USP32: variants seen among roughly 807,000 people sequenced by gnomAD.
The protein encoded by USP32 is ubiquitin specific peptidase 32, also known as ubiquitin carboxyl-terminal hydrolase 32.
A neutral mutation model predicts 204.8 loss-of-function variants in USP32; 59 were observed. That is an observed-to-expected ratio of 0.29 (90% CI 0.23 to 0.36). The LOEUF is 0.36. Among genes scored for constraint, USP32 ranks in the 10% least tolerant of loss-of-function variants. The pLI is 1.00. For missense variants in USP32, 1,160 were observed against 1,946.4 expected (o/e 0.60, Z 7.60); for synonymous variants, 517 against 678.4 (o/e 0.76, Z 3.70).
intron 18 of USP32, among the ~76,000 whole-genome samples, chr17:60,212,848 G>T (rs2085006762): frequency 6.6e-6 from 1 of 151,868 alleles, no homozygotes; most frequent in Non-Finnish European, 1.5e-5. Flanking sequence ...CCGCCTCCTG[G>T]GCTTGACTGA....
intron 5 of USP32, among the ~76,000 whole-genome samples, chr17:60,287,684 T>C (rs1339621967): frequency 1.3e-5 from 2 of 152,224 alleles, no homozygotes; most frequent in Non-Finnish European, 2.9e-5. Context: ...TTTCAGTTTA[T>C]GAATTGTGGT....
intron 1 of USP32, among the ~76,000 whole-genome samples, chr17:60,384,878 C>T (rs183747116): frequency 5.9e-5 from 9 of 151,986 alleles, no homozygotes; most frequent in East Asian, 3.9e-4. Context: ...GAGGTGGAGG[C>T]GGGTGGATCA....
chr17:60,276,933 T>TA (rs1422115825), intron 5 of USP32, among the ~76,000 whole-genome samples: 1 of 137,956 alleles, frequency 7.2e-6, no homozygotes, highest in Non-Finnish European at 1.5e-5. Context: ...CAAGCTAAAG[T>TA]AGATTACATA....
At chr17:60,332,580 G>A (rs1178202692) in intron 2 of USP32, among the ~76,000 whole-genome samples, 11 of 151,912 alleles carry the variant, frequency 7.2e-5, no homozygotes, top group Admixed American at 6.6e-5. Flanking sequence ...CCCAGGAGGC[G>A]GAGACTGCAG....
chr17:60,209,723 A>ACC lies in USP32; in HGVS notation c.2425-182_2425-181dup, dbSNP rs144710628. On this transcript the variant is annotated intron_variant, in intron 21 of 33. Coordinates refer to ENST00000300896, the MANE Select transcript of USP32 (RefSeq NM_032582.4). ...ATCTTTTGAATCTTAATGTCAAATGACCCCCCCCAAAAAAAGAGAAGTATT... is the reference window on the plus strand; with the variant it reads ...ATCTTTTGAATCTTAATGTCAAATGACCCCCCCCCCAAAAAAAGAGAAGTATT... 4.7e-5 allele frequency among the ~76,000 whole-genome samples: 7 copies of ACC among 150,464 alleles called. No individual in the cohort carries two copies. The South Asian group carries it at 8.4e-4, about 18-fold the overall frequency.
intron 7 of USP32, among the ~76,000 whole-genome samples, 196 bp downstream of exon 7, chr17:60,269,254 C>G (rs529049946): frequency 1.3e-5 from 2 of 152,278 alleles, no homozygotes; most frequent in Admixed American, 1.3e-4. Context: ...ATATCCCAAA[C>G]TATTCCATAG....
rs1212479574 is a variant in USP32, at chr17:60,211,044, G to A, written c.2393C>T (p.Thr798Ile). ...GDLVQELWSG[T>I]QKNVAPLKLR... ...CTTTAATGGGGCAACATTCTTCTGA[G>A]TTCCACTCCAAAGTTCCTGCACTAA... Residue 798 changes from threonine to isoleucine, a missense_variant, in exon 21 of 34, where the codon ACT becomes ATT. Physicochemically the swap from Thr to Ile is moderately conservative, Grantham distance 89 (BLOSUM62 -1). Coordinates refer to ENST00000300896, the MANE Select transcript of USP32 (RefSeq NM_032582.4). 6.2e-7 allele frequency: 1 copy of A among 1,612,168 alleles called. No homozygotes were observed. Among genetic ancestry groups the A allele is most frequent in the East Asian group, 2.2e-5 (1 of 44,862 alleles).
Position 60,271,392 on chromosome 17 carries a change from C to T in USP32, c.661G>A (p.Gly221Ser). The T allele has an allele frequency of 6.2e-7, 1 of 1,614,054 alleles. No individual in the cohort carries two copies. The highest frequency in any genetic ancestry group is 8.5e-7 in the Non-Finnish European group (1 of 1,179,994). Reference protein sequence around the residue: ...RTGRFDLETFGPLVSPPIRPS... With the variant: ...RTGRFDLETFSPLVSPPIRPS... ...CGAATAGGTGGTGAAACCAATGGGC[C>T]AAATGTCTCTAAATCAAATCGTCCA... Residue 221 changes from glycine to serine, a missense_variant, in exon 6 of 34, where the codon GGC becomes AGC. By Grantham distance (56) the Gly-to-Ser change is moderately conservative. Transcript: ENST00000300896.
At chr17:60,303,611 A>C (rs2087644152) in intron 2 of USP32, among the ~76,000 whole-genome samples, 1 of 152,196 alleles carries the variant, frequency 6.6e-6, no homozygotes, top group Non-Finnish European at 1.5e-5. Flanking sequence ...GACCAAAATT[A>C]AGCTAAACTA....
intron 1 of USP32, among the ~76,000 whole-genome samples, chr17:60,419,818 ATTATTATT>A (rs2090093386): frequency 1.6e-4 from 1 of 6,066 alleles, no homozygotes; most frequent in Admixed American, 1.2e-3. Context: ...GTTAAAAAAA[ATTATTATT>A]ATTATTATTA....
At chr17:60,246,233 C>G (rs2086020642) in intron 11 of USP32, among the ~76,000 whole-genome samples, 1 of 152,068 alleles carries the variant, frequency 6.6e-6, no homozygotes, top group Admixed American at 6.5e-5. Context: ...TCCACGAGAT[C>G]AACTTTTTTA....
intron 27 of USP32, among the ~76,000 whole-genome samples, chr17:60,197,575 A>G (rs1336996422): frequency 6.6e-6 from 1 of 152,214 alleles, no homozygotes; most frequent in East Asian, 1.9e-4. Flanking sequence ...TTGCACTCCA[A>G]TCCGGGCAAC....
At chr17:60,189,261 A>C (rs1460195739) in intron 29 of USP32, among the ~76,000 whole-genome samples, 1 of 152,244 alleles carries the variant, frequency 6.6e-6, no homozygotes, top group Non-Finnish European at 1.5e-5. Flanking sequence ...CTGGCTAGAA[A>C]GGGCTCCCAG....
At chr17:60,195,067 C>T (rs1480025937) in intron 27 of USP32, among the ~76,000 whole-genome samples, 11 of 152,224 alleles carry the variant, frequency 7.2e-5, no homozygotes, top group Admixed American at 2.6e-4. Flanking sequence ...TTATTTCATC[C>T]ATAACTTTAC....
chr17:60,185,657 G>C lies in USP32; in HGVS notation c.3643-6C>G. The C allele has an allele frequency of 1.2e-6, 2 of 1,607,166 alleles. No homozygotes were observed. Among genetic ancestry groups the C allele is most frequent in the Non-Finnish European group, 1.7e-6 (2 of 1,175,894 alleles). ...CTCTCATGCTCATCTACAACCTGCA[G>C]GTAGAGGGAACAGGAGGAAAGGGGT... On this transcript the variant is annotated splice_region_variant and splice_polypyrimidine_tract_variant and intron_variant, in intron 29 of 33. Transcript: ENST00000300896.
chr17:60,265,843 A>G, intron 8 of USP32, 133 bp downstream of exon 8: 1 of 668,598 alleles, frequency 1.5e-6, no homozygotes, highest in Non-Finnish European at 2.4e-6. Context: ...ATCTTCAGCT[A>G]TAAATATTTT....
intron 11 of USP32, among the ~76,000 whole-genome samples, chr17:60,248,571 A>C (rs1212251620): frequency 6.6e-6 from 1 of 152,134 alleles, no homozygotes; most frequent in East Asian, 1.9e-4. Context: ...CTGATGAAAT[A>C]ATCTCTATTG....
At chr17:60,263,599 G>A (rs922977451) in intron 9 of USP32, among the ~76,000 whole-genome samples, 1 of 152,182 alleles carries the variant, frequency 6.6e-6, no homozygotes, top group African/African-American at 2.4e-5. Flanking sequence ...AAAGGCGACA[G>A]CAAAAATACC....
chr17:60,212,242 G>T (rs925762153), intron 18 of USP32, 144 bp from the exon 19 acceptor site: 6 of 684,298 alleles, frequency 8.8e-6, no homozygotes, highest in Admixed American at 3.0e-5. Context: ...GCTTAACGAC[G>T]AGGTTATATT....
Sources: gnomAD v4.1 joint callset for allele counts (sites outside exome capture counted in the v4.1 genomes callset) on GRCh38, gnomAD v4.1.1 for gene constraint, MANE v1.5 for transcripts, NCBI Gene and HGNC (gene_info 2026-07-23, HGNC 2026-07-21) for gene names.